LRP1B: variants seen among roughly 807,000 people sequenced by gnomAD.
LRP1B encodes low-density lipoprotein receptor-related protein 1B.
LRP1B carries 217 observed loss-of-function variants against 556.6 expected under a neutral mutation model. The observed-to-expected ratio is 0.39, with a 90% CI of 0.35 to 0.44. LRP1B has a LOEUF of 0.44. Ranked by LOEUF, LRP1B falls within the 20% of genes least tolerant of loss-of-function variation. LRP1B has a pLI of 1.00. For synonymous variants in LRP1B, 2,047 were observed against 1,865.8 expected, an observed-to-expected ratio of 1.10 and a Z score of -2.50; for missense variants, 5,053 against 5,620.8, an observed-to-expected ratio of 0.90 and a Z score of 3.23.
chr2:141,218,942 G>A (rs1682927421), intron 6 of LRP1B, among the ~76,000 whole-genome samples: 1 of 152,206 alleles, frequency 6.6e-6, no homozygotes, highest in African/African-American at 2.4e-5. Context: ...CACACAGAGT[G>A]AGGAAAAGCA....
chr2:140,335,594 A>T (rs1363356085), intron 78 of LRP1B, 21 bp downstream of exon 78: 7 of 1,365,020 alleles, frequency 5.1e-6, no homozygotes, highest in Non-Finnish European at 7.3e-6. Flanking sequence ...AAGAAATAGA[A>T]ATACTAAGCC....
chr2:142,091,026 T>G (rs956588332), intron 1 of LRP1B, among the ~76,000 whole-genome samples: 1 of 152,148 alleles, frequency 6.6e-6, no homozygotes, highest in Non-Finnish European at 1.5e-5. Flanking sequence ...TTTGAAAATT[T>G]CTCTCATTGG....
chr2:141,851,140 A>T (rs1291738538), intron 1 of LRP1B, among the ~76,000 whole-genome samples: 1 of 151,804 alleles, frequency 6.6e-6, no homozygotes, highest in Non-Finnish European at 1.5e-5. Flanking sequence ...GTTGGATAAA[A>T]ATGCATAGAA....
At chr2:141,510,749 G>T (rs930513427) in intron 2 of LRP1B, among the ~76,000 whole-genome samples, 3 of 151,756 alleles carry the variant, frequency 2.0e-5, no homozygotes, top group African/African-American at 4.8e-5. Context: ...CATGTTGCCT[G>T]CTCAGTTACT....
intron 79 of LRP1B, among the ~76,000 whole-genome samples, chr2:140,326,911 T>C (rs928753744): frequency 2.0e-5 from 3 of 152,122 alleles, no homozygotes; most frequent in Non-Finnish European, 4.4e-5. Context: ...GTGATTGGAA[T>C]CCATCCAGTA....
chr2:140,653,365 T>C (rs924478066), intron 41 of LRP1B, among the ~76,000 whole-genome samples: 1 of 152,026 alleles, frequency 6.6e-6, no homozygotes, highest in African/African-American at 2.4e-5. Context: ...AGGGAATATA[T>C]TGGTGCAGTA....
At chr2:140,994,366 T>C (rs958902675) in intron 15 of LRP1B, among the ~76,000 whole-genome samples, 25 of 146,120 alleles carry the variant, frequency 1.7e-4, no homozygotes, top group Non-Finnish European at 2.6e-4. Flanking sequence ...TATTCCATTA[T>C]ATATGTAGGT....
At chr2:141,965,009 T>C (rs1235529641) in intron 1 of LRP1B, among the ~76,000 whole-genome samples, 5 of 143,980 alleles carry the variant, frequency 3.5e-5, no homozygotes, top group African/African-American at 1.3e-4. Flanking sequence ...TCATCATCAC[T>C]GGCCATCAGA....
intron 88 of LRP1B, among the ~76,000 whole-genome samples, chr2:140,239,018 A>C (rs899136957): frequency 1.3e-5 from 2 of 150,906 alleles, no homozygotes; most frequent in Non-Finnish European, 3.0e-5. Flanking sequence ...AATGAGGTAT[A>C]AGTGAATCAA....
intron 7 of LRP1B, among the ~76,000 whole-genome samples, chr2:141,112,189 A>G (rs1196017046): frequency 1.3e-5 from 2 of 152,160 alleles, no homozygotes; most frequent in African/African-American, 4.8e-5. Flanking sequence ...AGAAGAAAAA[A>G]AGAAATTCTG....
intron 5 of LRP1B, among the ~76,000 whole-genome samples, chr2:141,246,503 T>C (rs1171110430): frequency 1.3e-5 from 2 of 152,180 alleles, no homozygotes; most frequent in Non-Finnish European, 2.9e-5. Flanking sequence ...CACGATTTGG[T>C]TTATGTTTTA....
chr2:141,024,187 G>C (rs1212528795), intron 11 of LRP1B, among the ~76,000 whole-genome samples: 1 of 151,966 alleles, frequency 6.6e-6, no homozygotes, highest in Non-Finnish European at 1.5e-5. Context: ...TGCTGAATAA[G>C]CTGTCTCATG....
intron 27 of LRP1B, among the ~76,000 whole-genome samples, chr2:140,862,089 A>G (rs188401719): frequency 2.5e-3 from 378 of 152,292 alleles, no homozygotes; most frequent in African/African-American, 8.7e-3. Context: ...TGAAAGTTCT[A>G]GTTTTAGACC....
intron 84 of LRP1B, among the ~76,000 whole-genome samples, chr2:140,286,859 T>A (rs1008750514): frequency 3.3e-5 from 5 of 151,826 alleles, no homozygotes; most frequent in Non-Finnish European, 5.9e-5. Context: ...AATATCTGCA[T>A]TAATTTTACA....
chr2:140,469,150 T>G (rs569746884), intron 60 of LRP1B, among the ~76,000 whole-genome samples: 1 of 152,310 alleles, frequency 6.6e-6, no homozygotes, highest in African/African-American at 2.4e-5. Context: ...GTTGATGTCC[T>G]TCCAAAATTC....
intron 2 of LRP1B, among the ~76,000 whole-genome samples, chr2:141,681,537 T>C (rs1379130523): frequency 6.6e-6 from 1 of 152,134 alleles, no homozygotes; most frequent in African/African-American, 2.4e-5. Flanking sequence ...ATGATTAGAG[T>C]ATTAAGATTT....
intron 1 of LRP1B, among the ~76,000 whole-genome samples, chr2:141,881,907 A>T (rs961048284): frequency 3.3e-5 from 5 of 152,088 alleles, no homozygotes; most frequent in Admixed American, 6.6e-5. Flanking sequence ...CTCTAGGAAG[A>T]TATTAAATAT....
intron 7 of LRP1B, among the ~76,000 whole-genome samples, chr2:141,111,826 G>T (rs113006727): frequency 2.6e-5 from 4 of 151,818 alleles, no homozygotes; most frequent in Non-Finnish European, 5.9e-5. Flanking sequence ...CGAAGCAGGC[G>T]GATCACAAGG....
At position 140,266,246 on chromosome 2, in the gene LRP1B, T is replaced by G. The variant is rs533275906; in HGVS notation, c.13247+3996A>C. Among the ~76,000 whole-genome samples, 8 of 152,182 alleles carry G rather than the reference T, an allele frequency of 5.3e-5. No individual in the cohort carries two copies. The South Asian group carries it at 1.7e-3, about 32-fold the overall frequency. ...TGTAGTCTGGTTTCTATCTCTATAG[T>G]GCTTCCAAAACATCTTTCACAATGG... On this transcript the variant is annotated intron_variant, in intron 86 of 90. Transcript: ENST00000389484.
Sources: allele counts gnomAD v4.1 joint callset (sites outside exome capture counted in the v4.1 genomes callset), GRCh38; gene constraint gnomAD v4.1.1; transcripts MANE v1.5; gene names NCBI Gene and HGNC (gene_info 2026-07-23, HGNC 2026-07-21).